Variants in LRRC61 observed in about 807,000 individuals in gnomAD.
LRRC61 encodes leucine-rich repeat-containing protein 61.
LRRC61 carries 9 observed loss-of-function variants against 15.1 expected under a neutral mutation model. That is an observed-to-expected ratio of 0.60 (90% CI 0.36 to 1.04). The LOEUF (loss-of-function observed/expected upper bound fraction) is 1.04. LRRC61 is among the 50% of genes least tolerant of loss of function. The pLI is 0.01. For synonymous variants in LRRC61, 173 were observed against 158.6 expected (o/e 1.09, Z -0.68); for missense variants, 344 against 335.6 (o/e 1.03, Z -0.20).
intron 1 of LRRC61, among the ~76,000 whole-genome samples, chr7:150,325,345 A>C (rs1476597143): frequency 6.6e-6 from 1 of 152,170 alleles, no homozygotes; most frequent in Non-Finnish European, 1.5e-5. Flanking sequence ...TGCTGCCCAC[A>C]TGATCGACTA....
intron 2 of LRRC61, among the ~76,000 whole-genome samples, chr7:150,326,793 G>A (rs1472392090): frequency 6.6e-6 from 1 of 152,174 alleles, no homozygotes; most frequent in African/African-American, 2.4e-5. Flanking sequence ...TGAAGTGAGA[G>A]TTAAGTCCCC....
Position 150,337,720 on chromosome 7 carries a change from A to G in LRRC61, c.*79A>G. 9.1e-6 allele frequency: 13 copies of G among 1,424,034 alleles called. No individual in the cohort carries two copies. Among genetic ancestry groups the G allele is most frequent in the Non-Finnish European group, 1.1e-5 (12 of 1,064,600 alleles). 88.2% of individuals were successfully genotyped at this position (1,424,034 alleles called of 1,614,324 possible). A position where few individuals can be genotyped will look rare whatever the true frequency, so the allele number is the denominator to read the frequency against. On this transcript the variant is annotated 3_prime_UTR_variant, in exon 3 of 3. Coordinates refer to ENST00000359623, the MANE Select transcript of LRRC61 (RefSeq NM_001142928.2). ...CCCTCTCTGCCCCCACACTCGTCTTAGTTGCTTCACACTGGTCACTGGCCC... is the reference window on the plus strand; with the variant it reads ...CCCTCTCTGCCCCCACACTCGTCTTGGTTGCTTCACACTGGTCACTGGCCC...
intron 1 of LRRC61, among the ~76,000 whole-genome samples, chr7:150,325,473 ACTT>A (rs1248673142): frequency 1.3e-5 from 2 of 152,100 alleles, no homozygotes; most frequent in Admixed American, 6.5e-5. Flanking sequence ...GTCACAAGTA[ACTT>A]CTTTTTTTTG....
chr7:150,330,691 T>A lies in LRRC61; in HGVS notation c.-145+4681T>A. On this transcript the variant is annotated intron_variant, in intron 2 of 2. Coordinates refer to ENST00000359623, the MANE Select transcript of LRRC61 (RefSeq NM_001142928.2). The surrounding 1 kb of genome is among the most constrained non-coding windows in gnomAD (Gnocchi z 4.6). ...ATCCTGCCATGGGGGCCGACCGACA[T>A]TGACCACTGGAAGCAAGTCCTCGTG... 1 of 1,482,642 alleles carries A rather than the reference T, an allele frequency of 6.7e-7. No individual in the cohort carries two copies. Among genetic ancestry groups the A allele is most frequent in the Non-Finnish European group, 9.4e-7 (1 of 1,060,014 alleles). 91.8% of individuals were successfully genotyped at this position (1,482,642 alleles called of 1,614,324 possible). A position where few individuals can be genotyped will look rare whatever the true frequency, so the allele number is the denominator to read the frequency against.
chr7:150,335,674 C>T lies in LRRC61; in HGVS notation c.-144-1044C>T, dbSNP rs774214894. Among the ~76,000 whole-genome samples the T allele has an allele frequency of 7.3e-5, 11 of 151,186 alleles. No homozygotes were observed. The highest frequency in any genetic ancestry group is 3.9e-4 in the Admixed American group (6 of 15,264). On this transcript the variant is annotated intron_variant, in intron 2 of 2. Coordinates refer to ENST00000359623, the MANE Select transcript of LRRC61 (RefSeq NM_001142928.2). This position sits in a 1 kb window ranked among gnomAD's most constrained non-coding sequence, Gnocchi z 4.3. ...ATCTGCAGGGCAGGCATCACCCCGC[C>T]GGCCTGGGTGAGACTCCTGGGTCTG...
intron 2 of LRRC61, chr7:150,331,775 G>A (rs1438562925): frequency 6.0e-6 from 1 of 167,140 alleles, no homozygotes; most frequent in Non-Finnish European, 1.5e-5. Flanking sequence ...CTCAGCCTTT[G>A]GGGGCCTGGA....
In LRRC61 at chr7:150,337,458, G is replaced by A. The variant is rs2129618515; in HGVS notation, c.597G>A (p.Trp199Ter). 6.2e-7 allele frequency: 1 copy of A among 1,603,854 alleles called. No homozygotes were observed. The highest frequency in any genetic ancestry group is 8.5e-7 in the Non-Finnish European group (1 of 1,179,768). Residue 199 changes from tryptophan (W) to a stop codon, truncating the protein, a stop_gained, in exon 3 of 3, where the codon TGG becomes TGA. Coordinates refer to ENST00000359623, the MANE Select transcript of LRRC61 (RefSeq NM_001142928.2). LOFTEE classifies it high-confidence loss of function. Reference protein sequence around the residue: ...PGPRATEAQPWVEPGYWESWP... With the variant: ...PGPRATEAQP ...CCAGAGCCACCGAGGCCCAGCCCTG[G>A]GTGGAGCCAGGCTACTGGGAGTCCT...
intron 2 of LRRC61, among the ~76,000 whole-genome samples, chr7:150,328,119 A>G (rs914655926): frequency 6.6e-6 from 1 of 152,208 alleles, no homozygotes; most frequent in Non-Finnish European, 1.5e-5. Flanking sequence ...TGAGAATTCA[A>G]TATATGCGTG....
At chr7:150,323,167 G>A (rs1162757558), upstream of LRRC61, 1 of 210,174 alleles carries the variant, frequency 4.8e-6, no homozygotes, top group Non-Finnish European at 9.7e-6. Flanking sequence ...CTTCGCTTCC[G>A]GCCGCACCGC....
rs192954372 is a variant in LRRC61 at position 150,330,068 on chromosome 7, C to T, written c.-145+4058C>T. 7 of 283,284 alleles carry T rather than the reference C, an allele frequency of 2.5e-5. No individual in the cohort carries two copies. Among genetic ancestry groups the T allele is most frequent in the African/African-American group, 1.1e-4 (5 of 44,956 alleles). 17.5% of individuals were successfully genotyped at this position (283,284 alleles called of 1,614,324 possible). On this transcript the variant is annotated intron_variant, in intron 2 of 2. Coordinates refer to ENST00000359623, the MANE Select transcript of LRRC61 (RefSeq NM_001142928.2). This position sits in a 1 kb window ranked among gnomAD's most constrained non-coding sequence, Gnocchi z 4.6. Reference sequence around the variant, plus strand: ...CCATCCCTTGTTTCGCCCACTGCCTCGACTCCCTGGTGAGAAACTTTCTGT... The same window carrying T: ...CCATCCCTTGTTTCGCCCACTGCCTTGACTCCCTGGTGAGAAACTTTCTGT...
At chr7:150,320,104 A>C (rs1797349796), upstream of LRRC61, among the ~76,000 whole-genome samples, 3 of 152,240 alleles carry the variant, frequency 2.0e-5, no homozygotes, top group Admixed American at 2.0e-4. Flanking sequence ...CATAGTGTGG[A>C]TCCCATGTAA....
In LRRC61 at chr7:150,330,276, C is replaced by T; in HGVS notation, c.-145+4266C>T. ...CTCGGCCTACCACCTGCTGGAGTGG[C>T]TGGTGGAGCAGCAGCAGCCCCTTCA... On this transcript the variant is annotated intron_variant, in intron 2 of 2. Coordinates refer to ENST00000359623, the MANE Select transcript of LRRC61 (RefSeq NM_001142928.2). This position sits in a 1 kb window ranked among gnomAD's most constrained non-coding sequence, Gnocchi z 4.6. 1 of 641,280 alleles carries T rather than the reference C, an allele frequency of 1.6e-6. No individual in the cohort carries two copies. The highest frequency in any genetic ancestry group is 2.8e-6 in the Non-Finnish European group (1 of 358,866). The allele number at this position is 641,280 out of a possible 1,614,324, so 39.7% of individuals were successfully genotyped here.
At chr7:150,320,243 TATTA>T (rs1450865896), upstream of LRRC61, among the ~76,000 whole-genome samples, 2 of 152,264 alleles carry the variant, frequency 1.3e-5, no homozygotes, top group African/African-American at 4.8e-5. Flanking sequence ...GAAACTAATC[TATTA>T]GAGTAGGGTA....
intron 2 of LRRC61, among the ~76,000 whole-genome samples, chr7:150,329,079 TC>T (rs1356761227): frequency 6.6e-6 from 1 of 152,106 alleles, no homozygotes; most frequent in Non-Finnish European, 1.5e-5. Flanking sequence ...ATTTTCAAGG[TC>T]GGGGGGTTTC....
rs1254880272 is a variant in LRRC61, at chr7:150,336,825, T to G, written c.-37T>G. 5 of 1,568,540 alleles carry G rather than the reference T, an allele frequency of 3.2e-6. No individual in the cohort carries two copies. The highest frequency in any genetic ancestry group is 4.3e-6 in the Non-Finnish European group (5 of 1,155,578). On this transcript the variant is annotated 5_prime_UTR_variant, in exon 3 of 3. Transcript: ENST00000359623. The stretch of plus-strand genomic sequence containing the variant: ...CCCCAGTGGAACCCTGTGACAGTCC[T>G]GCCAGGGCCCAGGCCATCCCAACCG...
In LRRC61 at chr7:150,335,735, G is replaced by A. The variant is rs73474336; in HGVS notation, c.-144-983G>A. 2.8e-3 allele frequency among the ~76,000 whole-genome samples: 421 copies of A among 152,312 alleles called. 4 individuals are homozygous for A. The highest frequency in any genetic ancestry group is 0.01 in the Middle Eastern group (3 of 294). On this transcript the variant is annotated intron_variant, in intron 2 of 2. Transcript: ENST00000359623. This position sits in a 1 kb window ranked among gnomAD's most constrained non-coding sequence, Gnocchi z 4.3. The stretch of plus-strand genomic sequence containing the variant: ...AAGTCTGCCAGGTTGGGAAAGCTGC[G>A]CTTGGAAGAGGTCTGTTATTTTCCT...
chr7:150,323,594 A>AG (rs1317222747), intron 1 of LRRC61, 34 bp downstream of exon 1: 1 of 449,858 alleles, frequency 2.2e-6, no homozygotes, highest in Non-Finnish European at 4.5e-6. Context: ...GGTTCAGGGA[A>AG]GGGGGCGGCT....
intron 2 of LRRC61, chr7:150,332,136 A>G (rs1265674955): frequency 6.0e-6 from 1 of 167,090 alleles, no homozygotes; most frequent in Non-Finnish European, 1.5e-5. Context: ...CCACTTTTAA[A>G]GGGGAAGTCC....
At chr7:150,312,784 T>C in the LRRC61 span, among the ~76,000 whole-genome samples, 2 of 152,336 alleles carry the variant, frequency 1.3e-5, no homozygotes, top group South Asian at 2.1e-4. Flanking sequence ...TCTTTTCTTA[T>C]AACTTTATAT....
Sources: allele counts gnomAD v4.1 joint callset (sites outside exome capture counted in the v4.1 genomes callset), GRCh38; gene constraint gnomAD v4.1.1; non-coding constraint Gnocchi (gnomAD v3.1); transcripts MANE v1.5; gene names NCBI Gene and HGNC (gene_info 2026-07-23, HGNC 2026-07-21).